The following RAB9B variants were observed in gnomAD, a reference collection of about 807,000 sequenced individuals.
RAB9B encodes ras-related protein Rab-9B.
In RAB9B, 1 loss-of-function variant was observed where a neutral mutation model predicts 8.9. The observed-to-expected ratio is 0.11, with a 90% CI of 0.04 to 0.53. RAB9B has a LOEUF of 0.53. Ranked by LOEUF, RAB9B falls within the 20% of genes least tolerant of loss-of-function variation. The pLI is 0.93. For missense variants in RAB9B, 82 were observed against 152.9 expected, an observed-to-expected ratio of 0.54 and a Z score of 2.45; for synonymous variants, 63 against 57.0, an observed-to-expected ratio of 1.10 and a Z score of -0.47.
the RAB9B span, among the ~76,000 whole-genome samples, chrX:103,793,317 G>T: frequency 2.7e-5 from 3 of 112,139 alleles, no homozygotes; most frequent in Non-Finnish European, 5.6e-5. Context: ...CTTAAAGAAA[G>T]CTGTCTTAAA....
chrX:103,804,290 G>C, the RAB9B span, among the ~76,000 whole-genome samples: 1 of 112,045 alleles, frequency 8.9e-6, no homozygotes, highest in African/African-American at 3.2e-5. Flanking sequence ...CAGTCTTTTT[G>C]AAAATAGATT....
chrX:103,815,448 T>C, the RAB9B span, among the ~76,000 whole-genome samples: 6 of 112,462 alleles, frequency 5.3e-5, no homozygotes, highest in African/African-American at 1.9e-4. Context: ...TAATAAGAGC[T>C]ATTTATGACA....
the RAB9B span, among the ~76,000 whole-genome samples, chrX:103,811,206 T>C: frequency 5.4e-5 from 6 of 112,003 alleles, no homozygotes; most frequent in East Asian, 2.8e-4. Context: ...TACTCAAGCA[T>C]TGGGTGAAAA....
chrX:103,796,325 C>T, the RAB9B span, among the ~76,000 whole-genome samples: 28 of 111,115 alleles, frequency 2.5e-4, no homozygotes, highest in Non-Finnish European at 4.1e-4. Context: ...CAAAAATTAG[C>T]CAGGCGTGGT....
At chrX:103,813,164 G>A in the RAB9B span, among the ~76,000 whole-genome samples, 3 of 109,651 alleles carry the variant, frequency 2.7e-5, no homozygotes, top group Admixed American at 2.0e-4. Context: ...CTTGTGATCT[G>A]CCTGCCTTGG....
chrX:103,811,903 C>T, the RAB9B span, among the ~76,000 whole-genome samples: 882 of 110,206 alleles, frequency 8.0e-3, 10 homozygotes, highest in African/African-American at 0.028. Flanking sequence ...GTGGGGCCCC[C>T]TTCCTGGTTT....
intron 1 of RAB9B, among the ~76,000 whole-genome samples, chrX:103,829,308 TC>T (rs2074694849): frequency 1.8e-5 from 2 of 112,221 alleles, no homozygotes; most frequent in Non-Finnish European, 3.8e-5. Flanking sequence ...TCTGGTCCAA[TC>T]TTGCTACTGA....
At chrX:103,787,994 C>T in the RAB9B span, 5 of 1,126,783 alleles carry the variant, frequency 4.4e-6, no homozygotes, top group South Asian at 7.3e-5. Context: ...TGCTTTGGCT[C>T]TCCTACCCAC....
At chrX:103,807,750 G>A in the RAB9B span, among the ~76,000 whole-genome samples, 1 of 111,751 alleles carries the variant, frequency 8.9e-6, no homozygotes. Context: ...CTGTGACAGG[G>A]AGTCCCCAAA....
chrX:103,825,705 T>A lies in RAB9B; in HGVS notation c.80A>T (p.Tyr27Phe), dbSNP rs772724187. The A allele has an allele frequency of 5.8e-6, 7 of 1,207,861 alleles. No individual in the cohort carries two copies. The highest frequency in any genetic ancestry group is 7.8e-6 in the Non-Finnish European group (7 of 892,493). ...CTGGGAGTCAAATTTGTTGGTTACG[T>A]AACGGTTCATAAGCGAACTTTTCCC... Reference protein sequence around the residue: ...GVGKSSLMNRYVTNKFDSQAF... With the variant: ...GVGKSSLMNRFVTNKFDSQAF... The change falls in exon 3 of 3, where the codon TAC (tyrosine) becomes TTC (phenylalanine). Residue 27 changes from tyrosine (Y) to phenylalanine (F), a missense_variant. Transcript: ENST00000243298.
chrX:103,781,232 G>A, the RAB9B span: 1 of 305,142 alleles, frequency 3.3e-6, no homozygotes, highest in Non-Finnish European at 6.6e-6. Flanking sequence ...GAGGGAGGGA[G>A]GGTTGGGAGC....
chrX:103,818,473 GTGAGA>G (rs934327544), downstream of RAB9B, among the ~76,000 whole-genome samples: 3 of 111,502 alleles, frequency 2.7e-5, no homozygotes, highest in African/African-American at 9.8e-5. Flanking sequence ...ATAAACAGAG[GTGAGA>G]GTTAAGATTG....
At chrX:103,801,998 T>C in the RAB9B span, among the ~76,000 whole-genome samples, 1 of 111,458 alleles carries the variant, frequency 9.0e-6, no homozygotes, top group Non-Finnish European at 1.9e-5. Context: ...TCAATGCCAC[T>C]GTGCAACTTA....
chrX:103,822,745 G>C lies in RAB9B; in HGVS notation c.*2434C>G, dbSNP rs1210952126. 2 of 111,431 alleles carry C rather than the reference G, an allele frequency of 1.8e-5. No individual in the cohort carries two copies. The highest frequency in any genetic ancestry group is 3.8e-5 in the Non-Finnish European group (2 of 53,076). The allele number at this position is 111,431 out of a possible 1,213,427, so 9.2% of individuals were successfully genotyped here. On this transcript the variant is annotated 3_prime_UTR_variant, in exon 3 of 3. Transcript: ENST00000243298. ...TCTAAACCTATATGCACAGTTCTTG[G>C]TACTCACAGATTTCAGCCTTTGGTG...
chrX:103,795,996 C>G, the RAB9B span, among the ~76,000 whole-genome samples: 1 of 112,242 alleles, frequency 8.9e-6, no homozygotes, highest in African/African-American at 3.2e-5. Context: ...TCTGAAAGGA[C>G]AAAAGTAAAT....
At chrX:103,804,014 A>G in the RAB9B span, among the ~76,000 whole-genome samples, 39 of 112,718 alleles carry the variant, frequency 3.5e-4, no homozygotes, top group Non-Finnish European at 6.9e-4. Context: ...AGTCAAATTT[A>G]TCTATTTTTT....
At chrX:103,781,140 C>G in the RAB9B span, 6 of 232,935 alleles carry the variant, frequency 2.6e-5, no homozygotes, top group South Asian at 2.7e-4. Flanking sequence ...CCCTTCCTCT[C>G]CTTCCTTTGA....
downstream of RAB9B, among the ~76,000 whole-genome samples, chrX:103,819,855 G>A (rs759599795): frequency 8.0e-5 from 9 of 112,086 alleles, no homozygotes; most frequent in Non-Finnish European, 1.5e-4. Context: ...GCACATTAAC[G>A]TTTTATCAAA....
At chrX:103,793,340 C>T in the RAB9B span, among the ~76,000 whole-genome samples, 10 of 112,022 alleles carry the variant, frequency 8.9e-5, no homozygotes, top group African/African-American at 3.2e-4. Flanking sequence ...CATTTCATTG[C>T]CCCATAGTTG....
Sources: allele counts gnomAD v4.1 joint callset (sites outside exome capture counted in the v4.1 genomes callset), GRCh38; gene constraint gnomAD v4.1.1; transcripts MANE v1.5; gene names NCBI Gene and HGNC (gene_info 2026-07-23, HGNC 2026-07-21).